The following PLEKHG4B variants were observed in gnomAD, a reference collection of about 807,000 sequenced individuals.
PLEKHG4B encodes pleckstrin homology and RhoGEF domain containing G4B, also known as pleckstrin homology domain-containing family G member 4B.
A neutral mutation model predicts 121.3 loss-of-function variants in PLEKHG4B; 111 were observed. That is an observed-to-expected ratio of 0.92 (90% CI 0.78 to 1.07). The LOEUF (loss-of-function observed/expected upper bound fraction) is 1.07. Among genes scored for constraint, PLEKHG4B ranks in the 50% least tolerant of loss-of-function variants. The pLI is 0.00. For missense variants in PLEKHG4B, 1,831 were observed against 1,757.8 expected, an observed-to-expected ratio of 1.04 and a Z score of -0.74; for synonymous variants, 738 against 725.0, an observed-to-expected ratio of 1.02 and a Z score of -0.29.
Position 139,798 on chromosome 5 carries a change from G to C in PLEKHG4B, c.559G>C (p.Val187Leu). Residue 187 changes from valine to leucine, a missense_variant, in exon 3 of 20, where the codon GTC becomes CTC. Transcript: ENST00000637938. The surrounding 1 kb of genome is among the most constrained non-coding windows in gnomAD (Gnocchi z 5.0). ...QTCLLTSGLA[V>L]HRAPWSDVTD... ...CTGCTTGCTGACCTCAGGCTTGGCC[G>C]TCCACCGAGCCCCGTGGAGCGACGT... 2.5e-6 allele frequency: 1 copy of C among 399,014 alleles called. No homozygotes were observed. Among genetic ancestry groups the C allele is most frequent in the Non-Finnish European group, 4.4e-6 (1 of 226,350 alleles). 24.7% of individuals were successfully genotyped at this position (399,014 alleles called of 1,614,324 possible).
intron 8 of PLEKHG4B, 121 bp from the exon 9 acceptor site, chr5:155,223 TC>T (rs2126424260): frequency 4.2e-6 from 4 of 954,766 alleles, no homozygotes; most frequent in Non-Finnish European, 6.6e-6. Flanking sequence ...TCAGGGATCT[TC>T]ACATATGGAA....
chr5:124,309 A>G (rs1375340930), intron 2 of PLEKHG4B, among the ~76,000 whole-genome samples: 1 of 152,210 alleles, frequency 6.6e-6, no homozygotes. Flanking sequence ...AAGCATGTGT[A>G]TGTCCAGCAA....
chr5:162,143 G>T (rs928279081), intron 12 of PLEKHG4B, among the ~76,000 whole-genome samples, 199 bp downstream of exon 12: 7 of 152,236 alleles, frequency 4.6e-5, no homozygotes, highest in African/African-American at 1.7e-4. Context: ...ATTTGATATT[G>T]TACCAAACAG....
chr5:95,869 G>A (rs1733614855), intron 1 of PLEKHG4B, among the ~76,000 whole-genome samples: 1 of 152,160 alleles, frequency 6.6e-6, no homozygotes, highest in Non-Finnish European at 1.5e-5. Context: ...AGTGTCCATT[G>A]GAGGAGACCA....
intron 2 of PLEKHG4B, among the ~76,000 whole-genome samples, chr5:120,328 A>G (rs924985718): frequency 2.0e-5 from 3 of 152,122 alleles, no homozygotes; most frequent in Non-Finnish European, 4.4e-5. Context: ...TCAAAATCTC[A>G]TCGTCTAACA....
At chr5:160,439 C>T (rs543659010) in intron 11 of PLEKHG4B, among the ~76,000 whole-genome samples, 1 of 151,852 alleles carries the variant, frequency 6.6e-6, no homozygotes, top group South Asian at 2.1e-4. Context: ...ACCTGCCTCC[C>T]GCCGGCTGCC....
Position 158,001 on chromosome 5 carries a change from G to A in PLEKHG4B, c.2487+1090G>A, listed in dbSNP as rs546685027. ...CCTGGCCTCCCCACGACTGACCCCA[G>A]CTCCCAAATATTGGCCAGGGGCCCA... On this transcript the variant is annotated intron_variant, in intron 11 of 19. Transcript: ENST00000637938. Among the ~76,000 whole-genome samples the A allele has an allele frequency of 2.4e-4, 37 of 152,250 alleles. 1 individual carries two copies. Among genetic ancestry groups the A allele is most frequent in the Middle Eastern group, 6.8e-3 (2 of 294 alleles).
At position 171,378 on chromosome 5, in the gene PLEKHG4B, C is replaced by G. The variant is rs148712180; in HGVS notation, c.3984C>G (p.Val1328=). The G allele has an allele frequency of 1.9e-6, 3 of 1,611,032 alleles. No homozygotes were observed. Among genetic ancestry groups the G allele is most frequent in the Non-Finnish European group, 2.5e-6 (3 of 1,179,770 alleles). The change falls in exon 16 of 20, where the codon GTC becomes GTG. Residue 1328 remains valine (V), a synonymous_variant. Transcript: ENST00000637938. ...TGGGCGAGCTCCGAGCCGCCGAGGT[C>G]GTGGTCTGCTTCCAGCTGCGTCACG... ...QELGELRAAE[V]VVCFQLRHGN...
In PLEKHG4B at chr5:159,024, G is replaced by T. The variant is rs79816582; in HGVS notation, c.2487+2113G>T. On this transcript the variant is annotated intron_variant, in intron 11 of 19. Transcript: ENST00000637938. The surrounding 1 kb of genome is among the most constrained non-coding windows in gnomAD (Gnocchi z 5.5). ...CCCTTCGCCAGCTGGAAGGCCCTGC[G>T]CCTGTGCTTAGCTTCCATCCCACTC... Among the ~76,000 whole-genome samples the T allele has an allele frequency of 9.6e-3, 1,463 of 151,910 alleles. 14 individuals are homozygous for T. The highest frequency in any genetic ancestry group is 0.017 in the South Asian group (84 of 4,818).
intron 1 of PLEKHG4B, among the ~76,000 whole-genome samples, chr5:110,625 T>C (rs1051386900): frequency 4.8e-5 from 7 of 146,386 alleles, no homozygotes; most frequent in Admixed American, 3.4e-4. Flanking sequence ...CCGGCCACTC[T>C]GCAACACACG....
intron 2 of PLEKHG4B, among the ~76,000 whole-genome samples, chr5:123,680 T>C (rs1034252347): frequency 3.3e-5 from 5 of 152,192 alleles, no homozygotes; most frequent in African/African-American, 1.2e-4. Context: ...ATAATCCTTT[T>C]TATTTCTGTA....
At chr5:154,442 G>T (rs1427906414) in intron 7 of PLEKHG4B, among the ~76,000 whole-genome samples, 1 of 151,696 alleles carries the variant, frequency 6.6e-6, no homozygotes. Flanking sequence ...ACTCGCCCCT[G>T]CTGGCCCCGC....
At chr5:122,673 G>T (rs1734503799) in intron 2 of PLEKHG4B, among the ~76,000 whole-genome samples, 1 of 152,014 alleles carries the variant, frequency 6.6e-6, no homozygotes, top group African/African-American at 2.4e-5. Flanking sequence ...ACCTGCCTCG[G>T]CCTCCCAAAG....
At chr5:111,733 C>G (rs1041559528) in intron 1 of PLEKHG4B, among the ~76,000 whole-genome samples, 11 of 152,174 alleles carry the variant, frequency 7.2e-5, no homozygotes, top group Non-Finnish European at 8.8e-5. Context: ...CATTTCAGCT[C>G]GTGCAGAACA....
intron 2 of PLEKHG4B, among the ~76,000 whole-genome samples, chr5:115,703 A>G (rs890325353): frequency 9.9e-5 from 15 of 152,122 alleles, no homozygotes; most frequent in African/African-American, 3.6e-4. Context: ...CGTTAAGGAG[A>G]TGGCTTCTTT....
Position 183,971 on chromosome 5 carries a change from A to AGAT in PLEKHG4B, c.*1649_*1651dup, listed in dbSNP as rs1553992849. ...GAGATAGCTAGATATATATACAGAC[A>AGAT]GATAGATAGATAGATAGATCGATAG... On this transcript the variant is annotated 3_prime_UTR_variant, in exon 20 of 20. Coordinates refer to ENST00000637938, the MANE Select transcript of PLEKHG4B (RefSeq NM_052909.5). The AGAT allele has an allele frequency of 3.4e-4, 20 of 59,266 alleles. No individual in the cohort carries two copies. The highest frequency in any genetic ancestry group is 3.3e-3 in the Admixed American group (20 of 6,122). 3.7% of individuals were successfully genotyped at this position (59,266 alleles called of 1,614,324 possible).
At position 182,181 on chromosome 5, in the gene PLEKHG4B, G is replaced by A. The variant is rs1225764031; in HGVS notation, c.4742G>A (p.Ser1581Asn). 1 of 1,613,948 alleles carries A rather than the reference G, an allele frequency of 6.2e-7. No homozygotes were observed. The highest frequency in any genetic ancestry group is 8.5e-7 in the Non-Finnish European group (1 of 1,180,040). ...AGCCCAGCCCACCCGGGCCTATGGAGCCCTGCCCACAGCCCCTGGTCATCT... is the reference window on the plus strand; with the variant it reads ...AGCCCAGCCCACCCGGGCCTATGGAACCCTGCCCACAGCCCCTGGTCATCT... Reference protein sequence around the residue: ...SSSPAHPGLWSPAHSPWSSDI... With the variant: ...SSSPAHPGLWNPAHSPWSSDI... Residue 1581 changes from serine (S) to asparagine (N), a missense_variant, in exon 20 of 20, where the codon AGC (serine) becomes AAC (asparagine). Coordinates refer to ENST00000637938, the MANE Select transcript of PLEKHG4B (RefSeq NM_052909.5).
At chr5:112,264 G>A (rs1383436830) in intron 1 of PLEKHG4B, among the ~76,000 whole-genome samples, 2 of 152,172 alleles carry the variant, frequency 1.3e-5, no homozygotes, top group African/African-American at 4.8e-5. Context: ...GAGCTCTGCT[G>A]CAGGTACCTC....
rs112054951 is a variant in PLEKHG4B, at chr5:132,350, C to T, written c.244-7133C>T. ...ATTTTCTCCCACTCTGTGGGTCATC[C>T]GTTTGCTGATTATTTCTTTTGTTGT... On this transcript the variant is annotated intron_variant, in intron 2 of 19. Transcript: ENST00000637938. 3.3e-3 allele frequency among the ~76,000 whole-genome samples: 509 copies of T among 152,182 alleles called. 2 individuals are homozygous for T. The highest frequency in any genetic ancestry group is 0.011 in the African/African-American group (464 of 41,526).
Sources: gnomAD v4.1 joint callset for allele counts (sites outside exome capture counted in the v4.1 genomes callset) on GRCh38, gnomAD v4.1.1 for gene constraint, Gnocchi (gnomAD v3.1) non-coding constraint, MANE v1.5 for transcripts, NCBI Gene and HGNC (gene_info 2026-07-23, HGNC 2026-07-21) for gene names.